The following GRIN2B variants were observed in gnomAD, a reference collection of about 807,000 sequenced individuals.
GRIN2B encodes the protein glutamate receptor ionotropic, NMDA 2B.
GRIN2B carries 5 observed loss-of-function variants against 114.5 expected under a neutral mutation model. The observed-to-expected ratio is 0.04, with a 90% confidence interval of 0.02 to 0.09. The LOEUF is 0.09. Among genes scored for constraint, GRIN2B ranks in the 10% least tolerant of loss-of-function variants. The pLI is 1.00. For missense variants in GRIN2B, 1,108 were observed against 1,943.5 expected (o/e 0.57, Z 8.08); for synonymous variants, 787 against 745.1 (o/e 1.06, Z -0.92).
At chr12:13,822,217 A>G (rs952652673) in intron 3 of GRIN2B, among the ~76,000 whole-genome samples, 1 of 152,172 alleles carries the variant, frequency 6.6e-6, no homozygotes, top group African/African-American at 2.4e-5. Context: ...TCACACTTTT[A>G]ATATATTTGG....
intron 4 of GRIN2B, among the ~76,000 whole-genome samples, chr12:13,737,794 G>T (rs1863211875): frequency 6.6e-6 from 1 of 152,146 alleles, no homozygotes; most frequent in Admixed American, 6.5e-5. Context: ...AAATCATAAA[G>T]CACTTTAACA....
intron 3 of GRIN2B, among the ~76,000 whole-genome samples, chr12:13,760,789 C>T (rs920882802): frequency 1.3e-5 from 2 of 152,142 alleles, no homozygotes; most frequent in Non-Finnish European, 2.9e-5. Flanking sequence ...ATATGGGAGA[C>T]AAAAAATCTC....
chr12:13,887,253 T>C (rs951592786), intron 2 of GRIN2B, among the ~76,000 whole-genome samples: 1 of 152,222 alleles, frequency 6.6e-6, no homozygotes, highest in African/African-American at 2.4e-5. Flanking sequence ...AGGGGCTTCT[T>C]AAAACTTTTT....
intron 10 of GRIN2B, among the ~76,000 whole-genome samples, chr12:13,577,064 A>G (rs1948786049): frequency 6.6e-6 from 1 of 152,014 alleles, no homozygotes; most frequent in Admixed American, 6.5e-5. Context: ...ACAAGCTGAG[A>G]CTTGACCCCT....
chr12:13,652,709 T>C (rs1267271779), intron 5 of GRIN2B, among the ~76,000 whole-genome samples: 1 of 152,098 alleles, frequency 6.6e-6, no homozygotes, highest in African/African-American at 2.4e-5. Context: ...GAGACACAAA[T>C]GGTTCAACTG....
intron 3 of GRIN2B, among the ~76,000 whole-genome samples, chr12:13,860,811 A>G (rs1248309982): frequency 2.0e-5 from 3 of 152,098 alleles, no homozygotes; most frequent in Non-Finnish European, 4.4e-5. Context: ...TTTCTTCCCC[A>G]TTCTTGGAGC....
intron 5 of GRIN2B, among the ~76,000 whole-genome samples, chr12:13,641,404 C>T (rs980681539): frequency 1.3e-5 from 2 of 152,000 alleles, no homozygotes; most frequent in Non-Finnish European, 2.9e-5. Context: ...CATGGTAACC[C>T]ATGTATCTTT....
At chr12:13,571,042 A>T (rs549802132) in intron 11 of GRIN2B, among the ~76,000 whole-genome samples, 3 of 152,340 alleles carry the variant, frequency 2.0e-5, no homozygotes, top group African/African-American at 7.2e-5. Flanking sequence ...ATAAAATAGA[A>T]TCTAACAGTA....
At chr12:13,812,690 G>C (rs1289184538) in intron 3 of GRIN2B, among the ~76,000 whole-genome samples, 2 of 152,028 alleles carry the variant, frequency 1.3e-5, no homozygotes, top group African/African-American at 4.8e-5. Context: ...TGAAAGAAAT[G>C]GAAGTGAGGA....
At chr12:13,866,701 C>A (rs1865834571) in intron 2 of GRIN2B, among the ~76,000 whole-genome samples, 1 of 152,108 alleles carries the variant, frequency 6.6e-6, no homozygotes, top group Non-Finnish European at 1.5e-5. Flanking sequence ...GTACACAAGC[C>A]CTGCATTCTT....
rs376293400 is a variant in GRIN2B, at chr12:13,895,449, A to G, written c.-18-29223T>C. Among the ~76,000 whole-genome samples the G allele has an allele frequency of 5.9e-5, 9 of 152,316 alleles. No homozygotes were observed. The East Asian group carries it at 1.3e-3, about 23-fold the overall frequency. ...TATGTGGCTGAGCCCTTAGATATGT[A>G]TGTGACTGTCCTGGTGGTCACTAAT... On this transcript the variant is annotated intron_variant, in intron 2 of 13. Coordinates refer to ENST00000609686, the MANE Select transcript of GRIN2B (RefSeq NM_000834.5).
rs1948331610 is a variant in GRIN2B at position 13,545,513 on chromosome 12, C to T, written c.*17270G>A. On this transcript the variant is annotated 3_prime_UTR_variant, in exon 14 of 14. Coordinates refer to ENST00000609686, the MANE Select transcript of GRIN2B (RefSeq NM_000834.5). ...GCTCTGAAGCCACAGACCAAATATC[C>T]CCAAAATAAGAGCTCCAGTAAACAA... The T allele has an allele frequency of 6.6e-6, 1 of 152,006 alleles. No homozygotes were observed. Among genetic ancestry groups the T allele is most frequent in the Non-Finnish European group, 1.5e-5 (1 of 68,016 alleles). The allele number at this position is 152,006 out of a possible 1,614,324, so 9.4% of individuals were successfully genotyped here.
At chr12:13,592,720 C>T (rs1439361673) in intron 10 of GRIN2B, among the ~76,000 whole-genome samples, 6 of 152,166 alleles carry the variant, frequency 3.9e-5, no homozygotes, top group Non-Finnish European at 8.8e-5. Context: ...GCTTTCCTAA[C>T]CTCCTTTTGG....
chr12:13,838,493 T>C (rs1865318512), intron 3 of GRIN2B, among the ~76,000 whole-genome samples: 1 of 152,204 alleles, frequency 6.6e-6, no homozygotes, highest in Non-Finnish European at 1.5e-5. Context: ...TATCCATGCA[T>C]TGTTTTATCA....
At chr12:13,588,142 T>G (rs1441530594) in intron 10 of GRIN2B, among the ~76,000 whole-genome samples, 1 of 152,232 alleles carries the variant, frequency 6.6e-6, no homozygotes, top group Non-Finnish European at 1.5e-5. Context: ...GAAATGTGCA[T>G]CTCATGTTCT....
intron 2 of GRIN2B, among the ~76,000 whole-genome samples, chr12:13,921,573 T>C (rs1866824614): frequency 6.6e-6 from 1 of 152,182 alleles, no homozygotes; most frequent in South Asian, 2.1e-4. Context: ...ACTGCACATC[T>C]TTCTCTCTAT....
At chr12:13,757,702 G>C (rs1244226227) in intron 3 of GRIN2B, among the ~76,000 whole-genome samples, 1 of 152,048 alleles carries the variant, frequency 6.6e-6, no homozygotes, top group Non-Finnish European at 1.5e-5. Flanking sequence ...TATATAAAGG[G>C]CCATCCTAAC....
chr12:13,626,141 C>T (rs934584769), intron 5 of GRIN2B, among the ~76,000 whole-genome samples: 1 of 152,170 alleles, frequency 6.6e-6, no homozygotes, highest in Admixed American at 6.5e-5. Flanking sequence ...GATGTGCCTT[C>T]CTCCAATGAA....
In GRIN2B at chr12:13,564,941, C is replaced by G. The variant is rs780067933; in HGVS notation, c.2599-302G>C. Among the ~76,000 whole-genome samples the G allele has an allele frequency of 5.9e-5, 9 of 152,204 alleles. No homozygotes were observed. Among genetic ancestry groups the G allele is most frequent in the Non-Finnish European group, 8.8e-5 (6 of 68,034 alleles). On this transcript the variant is annotated intron_variant, in intron 13 of 13. Transcript: ENST00000609686. The surrounding 1 kb of genome is among the most constrained non-coding windows in gnomAD (Gnocchi z 4.8). Reference sequence around the variant, plus strand: ...ATATGGCATTTTTGCCTCAGCTTCACTGTTGACTTACCGTGGTTTTCTATG... The same window carrying G: ...ATATGGCATTTTTGCCTCAGCTTCAGTGTTGACTTACCGTGGTTTTCTATG...
Sources: gnomAD v4.1 joint callset for allele counts (sites outside exome capture counted in the v4.1 genomes callset) on GRCh38, gnomAD v4.1.1 for gene constraint, Gnocchi (gnomAD v3.1) non-coding constraint, MANE v1.5 for transcripts, NCBI Gene and HGNC (gene_info 2026-07-23, HGNC 2026-07-21) for gene names.